The following ROBO2 variants were observed in gnomAD, a reference collection of about 807,000 sequenced individuals.
ROBO2 encodes the protein roundabout guidance receptor 2, also known as roundabout homolog 2.
Under a neutral mutation model 160.8 loss-of-function variants are expected in ROBO2, and 53 were observed. The ratio of observed to expected loss-of-function variants is 0.33; its 90% CI spans 0.26 to 0.41. ROBO2 has a LOEUF of 0.41. Among genes scored for constraint, ROBO2 ranks in the 10% least tolerant of loss-of-function variants. ROBO2 has a pLI of 1.00. For synonymous variants in ROBO2, 664 were observed against 611.7 expected, an observed-to-expected ratio of 1.09 and a Z score of -1.26; for missense variants, 1,577 against 1,722.4, an observed-to-expected ratio of 0.92 and a Z score of 1.49.
At chr3:77,445,649 T>C (rs992475097) in intron 2 of ROBO2, among the ~76,000 whole-genome samples, 4 of 152,198 alleles carry the variant, frequency 2.6e-5, no homozygotes, top group East Asian at 1.9e-4. Flanking sequence ...AATTTAAATA[T>C]AGATATAGCC....
At chr3:76,755,106 TTGAC>T (rs1420419124) in intron 2 of ROBO2, among the ~76,000 whole-genome samples, 2 of 151,886 alleles carry the variant, frequency 1.3e-5, no homozygotes, top group African/African-American at 2.4e-5. Flanking sequence ...TAGAAATAGT[TTGAC>T]TGTGTGTCTT....
chr3:76,989,526 A>G (rs879907124), intron 2 of ROBO2, among the ~76,000 whole-genome samples: 1 of 152,068 alleles, frequency 6.6e-6, no homozygotes, highest in Non-Finnish European at 1.5e-5. Flanking sequence ...AGAAGACAAC[A>G]TTTGAGATGA....
At chr3:75,946,121 G>T (rs935237778) in intron 2 of ROBO2, among the ~76,000 whole-genome samples, 15 of 152,176 alleles carry the variant, frequency 9.9e-5, no homozygotes, top group African/African-American at 3.6e-4. Flanking sequence ...TTACTTTAAT[G>T]CTTTGCTTTT....
intron 2 of ROBO2, among the ~76,000 whole-genome samples, chr3:77,110,164 A>G (rs1360878568): frequency 6.6e-6 from 1 of 152,210 alleles, no homozygotes; most frequent in African/African-American, 2.4e-5. Context: ...GTTCTCATTG[A>G]CATGTTTGCA....
chr3:77,165,821 A>G (rs1369146456), intron 2 of ROBO2, among the ~76,000 whole-genome samples: 2 of 152,148 alleles, frequency 1.3e-5, no homozygotes, highest in Non-Finnish European at 2.9e-5. Flanking sequence ...TTACCAAGAG[A>G]ACCTATCTTC....
intron 2 of ROBO2, among the ~76,000 whole-genome samples, chr3:77,171,688 G>A (rs1469728533): frequency 6.6e-6 from 1 of 152,184 alleles, no homozygotes; most frequent in Non-Finnish European, 1.5e-5. Context: ...AATTTTGCCA[G>A]AGAAGCATCA....
chr3:75,995,297 TG>T (rs901330828), intron 2 of ROBO2, among the ~76,000 whole-genome samples: 1 of 152,066 alleles, frequency 6.6e-6, no homozygotes, highest in Non-Finnish European at 1.5e-5. Context: ...CTTGCTGCCG[TG>T]TACAGTCTCA....
At chr3:77,417,083 A>G (rs1419222372) in intron 2 of ROBO2, among the ~76,000 whole-genome samples, 1 of 152,174 alleles carries the variant, frequency 6.6e-6, no homozygotes. Context: ...ATCTATAATC[A>G]GAACTCAACA....
At chr3:76,323,540 T>C (rs1211147571) in intron 2 of ROBO2, among the ~76,000 whole-genome samples, 2 of 152,112 alleles carry the variant, frequency 1.3e-5, no homozygotes, top group Non-Finnish European at 2.9e-5. Context: ...ATTGATGGTG[T>C]AGAAAAAGCA....
At chr3:77,131,095 G>A (rs1381323716) in intron 2 of ROBO2, among the ~76,000 whole-genome samples, 2 of 152,140 alleles carry the variant, frequency 1.3e-5, no homozygotes, top group African/African-American at 4.8e-5. Flanking sequence ...GGACTGAGAT[G>A]TACAGATCCA....
chr3:76,649,858 A>C (rs1315556684), intron 2 of ROBO2, among the ~76,000 whole-genome samples: 1 of 152,136 alleles, frequency 6.6e-6, no homozygotes, highest in Non-Finnish European at 1.5e-5. Flanking sequence ...AACCATATTA[A>C]CAAACTGTTT....
chr3:76,657,213 C>T (rs1013283605), intron 2 of ROBO2, among the ~76,000 whole-genome samples: 6 of 151,872 alleles, frequency 4.0e-5, no homozygotes, highest in Middle Eastern at 6.8e-3. Flanking sequence ...ATCACGAGGT[C>T]AGGAGATCGA....
chr3:76,044,555 A>G (rs1472269364), intron 2 of ROBO2, among the ~76,000 whole-genome samples: 2 of 151,936 alleles, frequency 1.3e-5, no homozygotes, highest in East Asian at 3.9e-4. Flanking sequence ...TCATTCATTC[A>G]TTCATTCATT....
intron 2 of ROBO2, among the ~76,000 whole-genome samples, chr3:76,648,541 A>G (rs1330582483): frequency 2.0e-5 from 3 of 152,116 alleles, no homozygotes; most frequent in Admixed American, 2.0e-4. Flanking sequence ...TATCAATTCT[A>G]AATATTCTGA....
chr3:76,535,200 G>C (rs2082429852), intron 2 of ROBO2, among the ~76,000 whole-genome samples: 1 of 152,014 alleles, frequency 6.6e-6, no homozygotes, highest in Non-Finnish European at 1.5e-5. Context: ...ATAGGGGTTT[G>C]GCACAAAAGG....
At chr3:76,142,806 G>A (rs1202766941) in intron 2 of ROBO2, among the ~76,000 whole-genome samples, 1 of 151,836 alleles carries the variant, frequency 6.6e-6, no homozygotes, top group Non-Finnish European at 1.5e-5. Context: ...GAGGATAATT[G>A]GATTGTTTGT....
intron 2 of ROBO2, among the ~76,000 whole-genome samples, chr3:76,822,974 G>A (rs937346713): frequency 1.3e-5 from 2 of 151,918 alleles, no homozygotes; most frequent in Non-Finnish European, 2.9e-5. Context: ...ATAAAACTAC[G>A]AGAAATGGTG....
intron 2 of ROBO2, among the ~76,000 whole-genome samples, chr3:77,302,301 G>A (rs1249634489): frequency 6.6e-6 from 1 of 152,032 alleles, no homozygotes; most frequent in East Asian, 1.9e-4. Context: ...TCATAGGGTG[G>A]TTGTAAAGAT....
Position 77,274,566 on chromosome 3 carries a change from T to C in ROBO2, c.388+176226T>C, listed in dbSNP as rs115837284. Among the ~76,000 whole-genome samples the C allele has an allele frequency of 8.9e-3, 1,349 of 152,210 alleles. 21 individuals carry two copies. The highest frequency in any genetic ancestry group is 0.03 in the African/African-American group (1,265 of 41,532). ...CTAATTAATATTCCAAGATTCAGGT[T>C]CTCTTTAATGATGTTTTTAAAAGCT... is the stretch of plus-strand genomic sequence containing the variant. On this transcript the variant is annotated intron_variant, in intron 2 of 25. Transcript: ENST00000461745.
Sources: allele counts gnomAD v4.1 joint callset (sites outside exome capture counted in the v4.1 genomes callset), GRCh38; gene constraint gnomAD v4.1.1; transcripts MANE v1.5; gene names NCBI Gene and HGNC (gene_info 2026-07-23, HGNC 2026-07-21).